FGF10: variants seen among roughly 807,000 people sequenced by gnomAD.
FGF10 encodes the protein fibroblast growth factor 10.
In FGF10, 2 loss-of-function variants were observed where a neutral mutation model predicts 19.8. That is an observed-to-expected ratio of 0.10 (90% CI 0.04 to 0.32). The LOEUF (loss-of-function observed/expected upper bound fraction) is 0.32. Ranked by LOEUF, FGF10 falls within the 10% of genes least tolerant of loss-of-function variation. The pLI, the probability that FGF10 is intolerant of heterozygous loss-of-function variation, is 1.00. For missense variants in FGF10, 191 were observed against 246.3 expected, an observed-to-expected ratio of 0.78 and a Z score of 1.50; for synonymous variants, 112 against 94.0, an observed-to-expected ratio of 1.19 and a Z score of -1.10.
intron 1 of FGF10, among the ~76,000 whole-genome samples, chr5:44,366,027 C>G (rs1192888806): frequency 1.4e-5 from 2 of 148,142 alleles, no homozygotes; most frequent in East Asian, 2.0e-4. Context: ...TTGATTTGAT[C>G]TTTTGAAATT....
Position 44,303,106 on chromosome 5 carries a change from A to G in FGF10, c.*1889T>C, listed in dbSNP as rs1739998981. Among the ~76,000 whole-genome samples the G allele has an allele frequency of 6.6e-6, 1 of 152,212 alleles. No individual in the cohort carries two copies. Among genetic ancestry groups the G allele is most frequent in the African/African-American group, 2.4e-5 (1 of 41,472 alleles). On this transcript the variant is annotated 3_prime_UTR_variant, in exon 3 of 3. Transcript: ENST00000264664. ...TCTCATTTGCCAAAAAGCAAGTTGG[A>G]AGCAAAGTATGATGAAATGCAATTT...
chr5:44,351,389 T>C (rs1306338962), intron 1 of FGF10, among the ~76,000 whole-genome samples: 2 of 151,642 alleles, frequency 1.3e-5, no homozygotes, highest in African/African-American at 4.8e-5. Context: ...TATTGAGATG[T>C]CCTATATCAA....
chr5:44,327,970 C>A (rs1467879286), intron 1 of FGF10, among the ~76,000 whole-genome samples: 1 of 152,196 alleles, frequency 6.6e-6, no homozygotes, highest in East Asian at 1.9e-4. Flanking sequence ...GATTGATTTT[C>A]AAAAGGAGAG....
chr5:44,386,153 C>A (rs1742092382), intron 1 of FGF10, among the ~76,000 whole-genome samples: 1 of 151,976 alleles, frequency 6.6e-6, no homozygotes, highest in African/African-American at 2.4e-5. Context: ...TTCTTCTTTG[C>A]AGATAGTTCT....
At chr5:44,342,102 A>T (rs1307743468) in intron 1 of FGF10, among the ~76,000 whole-genome samples, 3 of 152,024 alleles carry the variant, frequency 2.0e-5, no homozygotes, top group African/African-American at 7.2e-5. Flanking sequence ...GGAAGTTAGT[A>T]AATTTTTATT....
chr5:44,317,302 T>C (rs554505117), intron 1 of FGF10, among the ~76,000 whole-genome samples: 1 of 152,322 alleles, frequency 6.6e-6, no homozygotes, highest in South Asian at 2.1e-4. Context: ...TATCTCTGGA[T>C]AAGATGATAT....
intron 1 of FGF10, among the ~76,000 whole-genome samples, chr5:44,362,183 TC>T (rs1350730888): frequency 1.3e-5 from 2 of 151,826 alleles, no homozygotes; most frequent in South Asian, 4.1e-4. Flanking sequence ...CCTTAATTCT[TC>T]TGAAAAATGA....
At chr5:44,355,722 G>A (rs1741331616) in intron 1 of FGF10, among the ~76,000 whole-genome samples, 2 of 151,364 alleles carry the variant, frequency 1.3e-5, no homozygotes, top group Admixed American at 1.3e-4. Flanking sequence ...GTGGAAGAGA[G>A]GACCTCTTTC....
At chr5:44,361,056 T>C (rs1579932280) in intron 1 of FGF10, among the ~76,000 whole-genome samples, 1 of 151,698 alleles carries the variant, frequency 6.6e-6, no homozygotes, top group African/African-American at 2.4e-5. Flanking sequence ...TTCCCAGAAA[T>C]GTCTTTGTTA....
rs1226130374 is a variant in FGF10, at chr5:44,316,677, G to A, written c.326-6147C>T. On this transcript the variant is annotated intron_variant, in intron 1 of 2. Coordinates refer to ENST00000264664, the MANE Select transcript of FGF10 (RefSeq NM_004465.2). ...GACAGGAATACACACAAGTAATAGC[G>A]GCAGCTTAACAACAAGAAAAATTTT... is the stretch of plus-strand genomic sequence containing the variant. Among the ~76,000 whole-genome samples, 11 of 152,174 alleles carry A rather than the reference G, an allele frequency of 7.2e-5. No individual in the cohort carries two copies. The East Asian group carries it at 1.4e-3, about 19-fold the overall frequency.
intron 1 of FGF10, among the ~76,000 whole-genome samples, chr5:44,371,848 G>A (rs1045026019): frequency 6.6e-6 from 1 of 151,918 alleles, no homozygotes; most frequent in African/African-American, 2.4e-5. Flanking sequence ...CCTCATAGAC[G>A]GAATGAGAAA....
rs1739995371 is a variant in FGF10, at chr5:44,302,888, T to C, written c.*2107A>G. 6.6e-6 allele frequency among the ~76,000 whole-genome samples: 1 copy of C among 152,184 alleles called. No individual in the cohort carries two copies. Among genetic ancestry groups the C allele is most frequent in the South Asian group, 2.1e-4 (1 of 4,834 alleles). On this transcript the variant is annotated 3_prime_UTR_variant, in exon 3 of 3. Transcript: ENST00000264664. ...GTTACTGTGGTCATCCAATGTGTATTTGTCTTACCAAACATTTAATTTTGG... is the reference window on the plus strand; with the variant it reads ...GTTACTGTGGTCATCCAATGTGTATCTGTCTTACCAAACATTTAATTTTGG...
chr5:44,377,753 T>C (rs1741898800), intron 1 of FGF10, among the ~76,000 whole-genome samples: 1 of 152,226 alleles, frequency 6.6e-6, no homozygotes, highest in Non-Finnish European at 1.5e-5. Context: ...TATTTGCATA[T>C]ACATAATGTG....
intron 1 of FGF10, among the ~76,000 whole-genome samples, chr5:44,382,810 A>T (rs1742012693): frequency 6.6e-6 from 1 of 152,150 alleles, no homozygotes; most frequent in Admixed American, 6.5e-5. Flanking sequence ...TGTAAAATAA[A>T]ATAGATTTAT....
intron 1 of FGF10, among the ~76,000 whole-genome samples, chr5:44,354,793 C>T (rs1741309493): frequency 6.6e-6 from 1 of 151,440 alleles, no homozygotes; most frequent in African/African-American, 2.4e-5. Context: ...TGCTGCCTAC[C>T]CTGAGTCACA....
intron 1 of FGF10, among the ~76,000 whole-genome samples, chr5:44,341,043 C>A (rs1390909555): frequency 6.6e-6 from 1 of 151,920 alleles, no homozygotes; most frequent in Non-Finnish European, 1.5e-5. Flanking sequence ...ATATTCTAAT[C>A]AAGTCTTCCT....
intron 1 of FGF10, among the ~76,000 whole-genome samples, chr5:44,340,082 G>A (rs1740935212): frequency 6.6e-6 from 1 of 152,060 alleles, no homozygotes; most frequent in Admixed American, 6.6e-5. Context: ...AAGTGGCCAT[G>A]AAATTTTCCA....
At chr5:44,350,233 C>G (rs78537619) in intron 1 of FGF10, among the ~76,000 whole-genome samples, 1 of 150,364 alleles carries the variant, frequency 6.7e-6, no homozygotes, top group African/African-American at 2.4e-5. Context: ...TAAGATATAA[C>G]TAGAAGTCAG....
At chr5:44,308,081 C>A (rs1445243095) in intron 2 of FGF10, among the ~76,000 whole-genome samples, 1 of 152,174 alleles carries the variant, frequency 6.6e-6, no homozygotes, top group African/African-American at 2.4e-5. Flanking sequence ...GAACAACAAA[C>A]ACATTAATGA....
Sources: gnomAD v4.1 joint callset for allele counts (sites outside exome capture counted in the v4.1 genomes callset) on GRCh38, gnomAD v4.1.1 for gene constraint, MANE v1.5 for transcripts, NCBI Gene and HGNC (gene_info 2026-07-23, HGNC 2026-07-21) for gene names.